DYSF: variants seen among roughly 807,000 people sequenced by gnomAD.
DYSF encodes the protein dystrophy-associated fer-1-like 1.
DYSF carries 212 observed loss-of-function variants against 274.9 expected under a neutral mutation model. That is an observed-to-expected ratio of 0.77 (90% CI 0.69 to 0.86). The LOEUF (loss-of-function observed/expected upper bound fraction) is 0.86. DYSF is among the 40% of genes least tolerant of loss of function. The probability of loss-of-function intolerance (pLI) is 0.00; values close to 1 mark genes in which losing one functional copy is unlikely to be tolerated. For missense variants in DYSF, 2,666 were observed against 2,783.2 expected, an observed-to-expected ratio of 0.96 and a Z score of 0.95; for synonymous variants, 1,091 against 1,078.7, an observed-to-expected ratio of 1.01 and a Z score of -0.22.
In DYSF at chr2:71,602,787, A is replaced by T; in HGVS notation, c.3939A>T (p.Thr1313=). 6.2e-7 allele frequency: 1 copy of T among 1,613,360 alleles called. No individual in the cohort carries two copies. The highest frequency in any genetic ancestry group is 8.5e-7 in the Non-Finnish European group (1 of 1,179,870). Residue 1313 remains threonine (T), a synonymous_variant, in exon 36 of 56, where the codon ACA becomes ACT. Coordinates refer to ENST00000410020, the MANE Select transcript of DYSF (RefSeq NM_001130987.2). ...HHIPGFEVQE[T]SRILDESEDT... ...TGGCTGTGGGCCAGGTGCAGGAGAC[A>T]TCAAGGATCCTGGATGAGGTGAGCT...
In DYSF at chr2:71,551,666, G is replaced by A. The variant is rs778125491; in HGVS notation, c.1752G>A (p.Glu584=). 8 of 1,611,150 alleles carry A rather than the reference G, an allele frequency of 5.0e-6. No individual in the cohort carries two copies. The Admixed American group carries it at 1.0e-4, about 20-fold the overall frequency. The change falls in exon 19 of 56, where the codon GAG becomes GAA. Residue 584 remains glutamate (E), a synonymous_variant. Transcript: ENST00000410020. ...LLLSLETKLV[E]HSEQKVEDLP... is the part of the protein sequence containing the mutation. Reference sequence around the variant, plus strand: ...TCTCCCTGGAGACCAAGCTGGTGGAGCACAGTGAACAGAAGGTGGAGGACC... The same window carrying A: ...TCTCCCTGGAGACCAAGCTGGTGGAACACAGTGAACAGAAGGTGGAGGACC...
chr2:71,470,084 TG>T, intron 1 of DYSF, among the ~76,000 whole-genome samples: 1 of 152,162 alleles, frequency 6.6e-6, no homozygotes, highest in East Asian at 1.9e-4. Flanking sequence ...CGTCCCCACT[TG>T]GTGAATTTCT....
At chr2:71,557,562 A>T (rs1052026165) in intron 22 of DYSF, among the ~76,000 whole-genome samples, 3 of 151,918 alleles carry the variant, frequency 2.0e-5, no homozygotes, top group Non-Finnish European at 4.4e-5. Flanking sequence ...AGGTGCTGGG[A>T]CCAGGGGAGG....
At chr2:71,571,444 C>G (rs1373801406) in intron 29 of DYSF, among the ~76,000 whole-genome samples, 6 of 101,750 alleles carry the variant, frequency 5.9e-5, no homozygotes, top group Non-Finnish European at 6.9e-5. Flanking sequence ...ACAGATCACA[C>G]CCAGCACACA....
intron 35 of DYSF, 126 bp from the exon 36 acceptor site, chr2:71,602,650 T>A: frequency 1.1e-6 from 1 of 935,884 alleles, no homozygotes; most frequent in Non-Finnish European, 1.7e-6. Context: ...CTCCTCTTAG[T>A]GGTGGCATCT....
chr2:71,537,763 C>T (rs1163978348), intron 16 of DYSF, among the ~76,000 whole-genome samples: 1 of 152,106 alleles, frequency 6.6e-6, no homozygotes, highest in Non-Finnish European at 1.5e-5. Flanking sequence ...ATTGAAGCAC[C>T]ATGCCAGGGT....
In DYSF at chr2:71,610,970, G is replaced by A. The variant is rs2093745559; in HGVS notation, c.3958-275G>A. 4 of 496,680 alleles carry A rather than the reference G, an allele frequency of 8.1e-6. No homozygotes were observed. The East Asian group carries it at 1.2e-4, about 15-fold the overall frequency. 30.8% of individuals were successfully genotyped at this position (496,680 alleles called of 1,614,324 possible). ...AGCAGCTCAGGGGGCATCAGAGCCT[G>A]CATTATGGGAGGAGGGGTGACGGGA... On this transcript the variant is annotated intron_variant, in intron 36 of 55. Transcript: ENST00000410020.
chr2:71,491,164 GCAT>G (rs1471124303), intron 3 of DYSF, among the ~76,000 whole-genome samples: 1 of 152,192 alleles, frequency 6.6e-6, no homozygotes. Context: ...GTAAAGTTGA[GCAT>G]CTTTTGTGTG....
chr2:71,564,286 TCC>T, intron 24 of DYSF, 73 bp downstream of exon 24: 1 of 1,586,556 alleles, frequency 6.3e-7, no homozygotes. Context: ...CTCTTCTGTT[TCC>T]CCTCCTGTTC....
Position 71,651,913 on chromosome 2 carries a change from C to T in DYSF, c.4627-4249C>T, listed in dbSNP as rs182901514. ...TTAACAAAGATTATTTCAGTTGGTG[C>T]TGAAAAGCATTCAATAAAGTTTAAT... On this transcript the variant is annotated intron_variant, in intron 42 of 55. Coordinates refer to ENST00000410020, the MANE Select transcript of DYSF (RefSeq NM_001130987.2). Among the ~76,000 whole-genome samples the T allele has an allele frequency of 2.0e-5, 3 of 152,212 alleles. No homozygotes were observed. In the East Asian group the frequency reaches 5.8e-4, roughly 29 times the overall value.
intron 32 of DYSF, among the ~76,000 whole-genome samples, chr2:71,591,690 A>C (rs9973420): frequency 0.31 from 47,641 of 152,184 alleles, 7,628 homozygotes; most frequent in Middle Eastern, 0.41. Context: ...GTTGAGTAGA[A>C]CTGAGTTCCA....
intron 30 of DYSF, among the ~76,000 whole-genome samples, chr2:71,578,051 C>T (rs1010448265): frequency 5.3e-5 from 8 of 152,112 alleles, no homozygotes; most frequent in African/African-American, 1.9e-4. Flanking sequence ...ATCCCAGGGC[C>T]ATTTTAAGGA....
upstream of DYSF, chr2:71,466,622 T>C (rs2081550193): frequency 4.8e-6 from 6 of 1,254,662 alleles, no homozygotes; most frequent in Middle Eastern, 6.2e-4. Flanking sequence ...AGGGCGGATC[T>C]GGGTAGGGGC....
rs768555447 is a variant in DYSF at position 71,567,998 on chromosome 2, G to A, written c.2613G>A (p.Arg871=). The A allele has an allele frequency of 2.5e-6, 4 of 1,614,026 alleles. No homozygotes were observed. Among genetic ancestry groups the A allele is most frequent in the Admixed American group, 1.7e-5 (1 of 59,994 alleles). Residue 871 remains arginine, a synonymous_variant, in exon 25 of 56, where the codon CGG becomes CGA. Transcript: ENST00000410020. The part of the protein sequence containing the change: ...VPGARMPVQI[R]VKLWFGLSVD... ...GCGCCCGGATGCCAGTGCAGATACG[G>A]GTCAAGCTGTGGTTTGGGCTCTCAG... is the stretch of plus-strand genomic sequence containing the variant.
At chr2:71,646,170 G>A (rs1420937487) in intron 42 of DYSF, among the ~76,000 whole-genome samples, 1 of 152,224 alleles carries the variant, frequency 6.6e-6, no homozygotes, top group East Asian at 1.9e-4. Context: ...GTAGTTGGGT[G>A]TGTGAGGTTG....
At chr2:71,474,717 G>T (rs62143762) in intron 1 of DYSF, among the ~76,000 whole-genome samples, 50,733 of 151,996 alleles carry the variant, frequency 0.33, 8,645 homozygotes, top group Non-Finnish European at 0.35. Context: ...CCAGGACTTA[G>T]TGAAATCTCA....
At chr2:71,618,493 T>G (rs1574398362) in intron 40 of DYSF, among the ~76,000 whole-genome samples, 2 of 95,850 alleles carry the variant, frequency 2.1e-5, no homozygotes, top group Admixed American at 1.3e-4. Context: ...GTGGTAGAGG[T>G]GATGTGTGTG....
chr2:71,488,088 G>A (rs1197213266), intron 3 of DYSF, among the ~76,000 whole-genome samples: 2 of 151,320 alleles, frequency 1.3e-5, no homozygotes, highest in East Asian at 3.9e-4. Context: ...AGCAATATTT[G>A]ATAAAACTTA....
In DYSF at chr2:71,600,815, C is replaced by T. The variant is rs778341042; in HGVS notation, c.3870C>T (p.Ala1290=). Reference sequence around the variant, plus strand: ...GCCAGCCGTCGGGGGAGCTGCTGGCCTCTTTTGAGCTCATCCAGAGAGAGA... The same window carrying T: ...GCCAGCCGTCGGGGGAGCTGCTGGCTTCTTTTGAGCTCATCCAGAGAGAGA... ...RGSQPSGELL[A]SFELIQREKP... is the part of the protein sequence containing the mutation. Residue 1290 remains alanine, a synonymous_variant, in exon 34 of 56, where the codon GCC becomes GCT. Coordinates refer to ENST00000410020, the MANE Select transcript of DYSF (RefSeq NM_001130987.2). 4.8e-5 allele frequency: 78 copies of T among 1,612,596 alleles called. No individual in the cohort carries two copies. In the Admixed American group the frequency reaches 5.0e-4, roughly 10 times the overall value.
Sources: allele counts gnomAD v4.1 joint callset (sites outside exome capture counted in the v4.1 genomes callset), GRCh38; gene constraint gnomAD v4.1.1; transcripts MANE v1.5; gene names NCBI Gene and HGNC (gene_info 2026-07-23, HGNC 2026-07-21).